The following GPR141 variants were observed in gnomAD, a reference collection of about 807,000 sequenced individuals.
GPR141 encodes G protein-coupled receptor 141, also known as probable G protein-coupled receptor 141.
In GPR141, 6 loss-of-function variants were observed where a neutral mutation model predicts 6.8. The ratio of observed to expected loss-of-function variants is 0.88; its 90% CI spans 0.48 to 1.74. The LOEUF is 1.74. Ranked by LOEUF, GPR141 falls within the 40% of genes most tolerant of loss-of-function variation. The pLI is 0.01. For missense variants in GPR141, 372 were observed against 372.9 expected (o/e 1.00, Z 0.02); for synonymous variants, 140 against 142.3 (o/e 0.98, Z 0.11).
chr7:37,717,365 C>T (rs998957521), intron 2 of GPR141, among the ~76,000 whole-genome samples: 1 of 152,134 alleles, frequency 6.6e-6, no homozygotes, highest in Non-Finnish European at 1.5e-5. Context: ...ATCTCCCTTT[C>T]CCCCAAAGGT....
intron 2 of GPR141, among the ~76,000 whole-genome samples, chr7:37,691,373 C>A (rs1809759984): frequency 6.7e-6 from 1 of 149,230 alleles, no homozygotes; most frequent in Non-Finnish European, 1.5e-5. Flanking sequence ...TGGCTCACTG[C>A]AACCTCTGCC....
intron 2 of GPR141, among the ~76,000 whole-genome samples, chr7:37,712,643 G>A (rs986302618): frequency 3.9e-5 from 6 of 152,158 alleles, no homozygotes; most frequent in Non-Finnish European, 7.3e-5. Context: ...CCCTTCTGGT[G>A]GCAATGCATG....
At chr7:37,701,246 T>C (rs1052604263) in intron 2 of GPR141, among the ~76,000 whole-genome samples, 3 of 152,200 alleles carry the variant, frequency 2.0e-5, no homozygotes, top group Non-Finnish European at 2.9e-5. Flanking sequence ...CAGTACCTCA[T>C]TGTACATTCA....
At chr7:37,703,441 A>C (rs894114816) in intron 2 of GPR141, among the ~76,000 whole-genome samples, 2 of 152,146 alleles carry the variant, frequency 1.3e-5, no homozygotes, top group African/African-American at 4.8e-5. Context: ...CTCAGCTATT[A>C]TCTCTCAAAA....
chr7:37,687,995 G>A (rs1809586278), intron 2 of GPR141, among the ~76,000 whole-genome samples: 2 of 152,140 alleles, frequency 1.3e-5, no homozygotes, highest in Non-Finnish European at 2.9e-5. Context: ...CAATTGCAAT[G>A]TGAATGCAAC....
chr7:37,733,043 G>C (rs1442232508), intron 2 of GPR141, among the ~76,000 whole-genome samples: 1 of 152,228 alleles, frequency 6.6e-6, no homozygotes, highest in Non-Finnish European at 1.5e-5. Flanking sequence ...CTGGTGGGGA[G>C]TGAGCCAAAG....
Position 37,742,231 on chromosome 7 carries a change from C to T in GPR141, c.*920C>T, listed in dbSNP as rs1428478295. Among the ~76,000 whole-genome samples the T allele has an allele frequency of 5.3e-5, 8 of 151,864 alleles. No homozygotes were observed. The East Asian group carries it at 5.8e-4, about 11-fold the overall frequency. On this transcript the variant is annotated 3_prime_UTR_variant, in exon 3 of 3. Transcript: ENST00000334425. Reference sequence around the variant, plus strand: ...TACTGAAATCTTTAGAGCTCCCTTCCGCCGTTAAAATTATATATATATATA... The same window carrying T: ...TACTGAAATCTTTAGAGCTCCCTTCTGCCGTTAAAATTATATATATATATA...
intron 2 of GPR141, among the ~76,000 whole-genome samples, chr7:37,707,160 C>A (rs1414011729): frequency 6.6e-6 from 1 of 152,118 alleles, no homozygotes; most frequent in South Asian, 2.1e-4. Flanking sequence ...CCTCCCAGAA[C>A]GTCTACATAA....
At chr7:37,728,941 A>G (rs982200272) in intron 2 of GPR141, among the ~76,000 whole-genome samples, 2 of 152,160 alleles carry the variant, frequency 1.3e-5, no homozygotes, top group African/African-American at 4.8e-5. Context: ...TTTTAAAAAG[A>G]GAAGTGAAAT....
chr7:37,684,384 A>C (rs1809410822), intron 1 of GPR141, among the ~76,000 whole-genome samples: 2 of 152,230 alleles, frequency 1.3e-5, no homozygotes, highest in Admixed American at 1.3e-4. Context: ...AGTACTTAGA[A>C]ATTTCTAAAA....
In GPR141 at chr7:37,743,010, G is replaced by A. The variant is rs73691197; in HGVS notation, c.*1699G>A. Among the ~76,000 whole-genome samples the A allele has an allele frequency of 0.013, 2,013 of 152,112 alleles. 47 individuals carry two copies. Among genetic ancestry groups the A allele is most frequent in the African/African-American group, 0.046 (1,891 of 41,502 alleles). On this transcript the variant is annotated 3_prime_UTR_variant, in exon 3 of 3. Transcript: ENST00000334425. ...GGCTAGGTTGATACATAGGCTTGTGGGTTTTTGCTTTTTGGGTTTTTTTTG... is the reference window on the plus strand; with the variant it reads ...GGCTAGGTTGATACATAGGCTTGTGAGTTTTTGCTTTTTGGGTTTTTTTTG...
intron 2 of GPR141, among the ~76,000 whole-genome samples, chr7:37,717,909 A>G (rs1482111642): frequency 2.0e-5 from 3 of 152,216 alleles, no homozygotes; most frequent in African/African-American, 7.2e-5. Flanking sequence ...ATTGTTAAAT[A>G]TAATTGTGTG....
chr7:37,717,768 A>G (rs765631796), intron 2 of GPR141, among the ~76,000 whole-genome samples: 1 of 152,196 alleles, frequency 6.6e-6, no homozygotes, highest in African/African-American at 2.4e-5. Flanking sequence ...TCACTAAATT[A>G]TAAGCTCCTT....
chr7:37,717,829 C>G (rs542415312), intron 2 of GPR141, among the ~76,000 whole-genome samples: 11 of 152,306 alleles, frequency 7.2e-5, no homozygotes, highest in African/African-American at 2.6e-4. Context: ...CGTTACTGAA[C>G]AATCTTTATA....
intron 2 of GPR141, among the ~76,000 whole-genome samples, chr7:37,723,356 T>TA (rs1470030861): frequency 6.7e-6 from 1 of 148,316 alleles, no homozygotes; most frequent in African/African-American, 2.5e-5. Flanking sequence ...TTTATTAATA[T>TA]AAAAAATACC....
chr7:37,689,071 T>C (rs1457902556), intron 2 of GPR141, among the ~76,000 whole-genome samples: 1 of 152,122 alleles, frequency 6.6e-6, no homozygotes, highest in Non-Finnish European at 1.5e-5. Flanking sequence ...CATTCTTTCC[T>C]TCTCTCAGGC....
At chr7:37,714,657 T>C (rs1040212991) in intron 2 of GPR141, among the ~76,000 whole-genome samples, 3 of 152,182 alleles carry the variant, frequency 2.0e-5, no homozygotes, top group Non-Finnish European at 2.9e-5. Flanking sequence ...AGAAAGCCAA[T>C]TGAAATTTCT....
chr7:37,693,484 G>A (rs532811758), intron 2 of GPR141, among the ~76,000 whole-genome samples: 3 of 152,216 alleles, frequency 2.0e-5, no homozygotes, highest in African/African-American at 7.2e-5. Flanking sequence ...TTGGTTATAT[G>A]GGCTTGAGGA....
chr7:37,686,233 C>G (rs1320447759), intron 2 of GPR141, among the ~76,000 whole-genome samples: 1 of 148,392 alleles, frequency 6.7e-6, no homozygotes, highest in Non-Finnish European at 1.5e-5. Flanking sequence ...AATCCCTGGG[C>G]TCAAGCAGTC....
Sources: allele counts gnomAD v4.1 joint callset (sites outside exome capture counted in the v4.1 genomes callset), GRCh38; gene constraint gnomAD v4.1.1; transcripts MANE v1.5; gene names NCBI Gene and HGNC (gene_info 2026-07-23, HGNC 2026-07-21).